The following TTC21B variants were observed in gnomAD, a reference collection of about 807,000 sequenced individuals.
TTC21B encodes tetratricopeptide repeat protein 21B.
Under a neutral mutation model 175.1 loss-of-function variants are expected in TTC21B, and 127 were observed. The observed-to-expected ratio is 0.73, with a 90% CI of 0.63 to 0.84. The LOEUF (loss-of-function observed/expected upper bound fraction) is 0.84. Among genes scored for constraint, TTC21B ranks in the 40% least tolerant of loss-of-function variants. The pLI is 0.00. For synonymous variants in TTC21B, 524 were observed against 524.5 expected, an observed-to-expected ratio of 1.00 and a Z score of 0.01; for missense variants, 1,561 against 1,558.3, an observed-to-expected ratio of 1.00 and a Z score of -0.03.
At chr2:165,946,404 G>A (rs1687566322) in intron 3 of TTC21B, among the ~76,000 whole-genome samples, 1 of 152,052 alleles carries the variant, frequency 6.6e-6, no homozygotes, top group Non-Finnish European at 1.5e-5. Context: ...TAAAACTTAT[G>A]GCTGAAAAGC....
chr2:165,909,364 C>CA (rs1306857807), intron 18 of TTC21B, among the ~76,000 whole-genome samples: 2 of 150,944 alleles, frequency 1.3e-5, no homozygotes, highest in African/African-American at 2.4e-5. Flanking sequence ...ATTCAGAAGC[C>CA]AAAAAAAGAC....
chr2:165,911,288 A>T, intron 18 of TTC21B, 39 bp downstream of exon 18: 1 of 1,611,992 alleles, frequency 6.2e-7, no homozygotes, highest in Non-Finnish European at 8.5e-7. Flanking sequence ...AATGGATCAG[A>T]GTTATCAGAC....
At chr2:165,905,697 C>T (rs1335954226) in intron 19 of TTC21B, among the ~76,000 whole-genome samples, 4 of 152,074 alleles carry the variant, frequency 2.6e-5, no homozygotes, top group Admixed American at 1.3e-4. Context: ...CACAATTACA[C>T]TGAAAGACTT....
chr2:165,914,890 T>C (rs1219736438), intron 15 of TTC21B, among the ~76,000 whole-genome samples: 1 of 152,082 alleles, frequency 6.6e-6, no homozygotes, highest in Admixed American at 6.6e-5. Flanking sequence ...TACATGATGC[T>C]CTTAAGTTAT....
At chr2:165,931,893 C>A (rs779921728) in intron 7 of TTC21B, 37 bp from the exon 8 acceptor site, 3 of 1,416,938 alleles carry the variant, frequency 2.1e-6, no homozygotes, top group Non-Finnish European at 3.0e-6. Context: ...TTAAAATATA[C>A]TAAGTAAAAA....
rs774676050 is a variant in TTC21B, at chr2:165,911,423, T to C, written c.2365A>G (p.Asn789Asp). ...YEAALKTGQK[N>D]YLCYDLAELL... ...TCAGCCAGGTCATAGCAAAGATAAT[T>C]CTTTTGTCCAGTTTTCAGAGCAGCT... is the stretch of plus-strand genomic sequence containing the variant. Residue 789 changes from asparagine (N) to aspartate (D), a missense_variant, in exon 18 of 29, where the codon AAT (asparagine) becomes GAT (aspartate). Transcript: ENST00000243344. 3.1e-6 allele frequency: 5 copies of C among 1,613,848 alleles called. No homozygotes were observed. In the Admixed American group the frequency reaches 8.3e-5, roughly 27 times the overall value.
chr2:165,874,570 A>C lies in TTC21B; in HGVS notation c.*185T>G, dbSNP rs1684605280. On this transcript the variant is annotated 3_prime_UTR_variant, in exon 29 of 29. Transcript: ENST00000243344. ...AGTCAAATAGACCAGCTCTCATTCA[A>C]CTCCATTAGGAAACACCAATTTCAC... 1.7e-6 allele frequency: 1 copy of C among 588,294 alleles called. No homozygotes were observed. Among genetic ancestry groups the C allele is most frequent in the African/African-American group, 1.9e-5 (1 of 53,350 alleles). 36.4% of individuals were successfully genotyped at this position (588,294 alleles called of 1,614,324 possible).
chr2:165,889,922 G>A (rs921106282), intron 24 of TTC21B, among the ~76,000 whole-genome samples: 1 of 152,138 alleles, frequency 6.6e-6, no homozygotes, highest in Non-Finnish European at 1.5e-5. Flanking sequence ...TGAGTCAGAA[G>A]AGAGGACAAG....
chr2:165,932,803 T>A (rs1686960686), intron 7 of TTC21B, among the ~76,000 whole-genome samples, 170 bp downstream of exon 7: 1 of 152,178 alleles, frequency 6.6e-6, no homozygotes, highest in Non-Finnish European at 1.5e-5. Flanking sequence ...TTTCAGAAGC[T>A]GACCTCTTTG....
intron 11 of TTC21B, among the ~76,000 whole-genome samples, chr2:165,926,614 CAA>C (rs1482611427): frequency 1.3e-5 from 2 of 152,074 alleles, no homozygotes; most frequent in Non-Finnish European, 2.9e-5. Context: ...CTGAAGGATG[CAA>C]AGTCTTGATC....
At chr2:165,903,917 C>G (rs891505476) in intron 19 of TTC21B, among the ~76,000 whole-genome samples, 1 of 152,154 alleles carries the variant, frequency 6.6e-6, no homozygotes, top group Non-Finnish European at 1.5e-5. Flanking sequence ...GAATATACAG[C>G]ATGTCATTAG....
At chr2:165,918,859 T>C (rs1411300917) in intron 13 of TTC21B, among the ~76,000 whole-genome samples, 3 of 152,128 alleles carry the variant, frequency 2.0e-5, no homozygotes. Context: ...TCACAATGAA[T>C]CTAAAAAGAA....
At chr2:165,915,540 C>A in intron 14 of TTC21B, 101 bp from the exon 15 acceptor site, 1 of 983,662 alleles carries the variant, frequency 1.0e-6, no homozygotes, top group Non-Finnish European at 1.6e-6. Flanking sequence ...AATGCTAGTA[C>A]ATTTATAATA....
intron 19 of TTC21B, among the ~76,000 whole-genome samples, chr2:165,906,557 T>C (rs1355607108): frequency 6.6e-6 from 1 of 152,056 alleles, no homozygotes; most frequent in Non-Finnish European, 1.5e-5. Context: ...CAAATTGATA[T>C]AAGAAACAAT....
chr2:165,924,515 T>C (rs1187650116), intron 12 of TTC21B, 34 bp downstream of exon 12: 1 of 1,603,042 alleles, frequency 6.2e-7, no homozygotes. Flanking sequence ...AACATCAGAA[T>C]AAAAAGGTTA....
intron 27 of TTC21B, among the ~76,000 whole-genome samples, chr2:165,877,014 T>C (rs1205979081): frequency 2.0e-5 from 3 of 152,228 alleles, no homozygotes; most frequent in African/African-American, 7.2e-5. Context: ...AATGCCACAC[T>C]TCTACTATCA....
intron 22 of TTC21B, among the ~76,000 whole-genome samples, chr2:165,891,574 A>ATTC (rs1685194989): frequency 6.7e-6 from 1 of 149,304 alleles, no homozygotes; most frequent in Non-Finnish European, 1.5e-5. Context: ...TTCTAAAAAA[A>ATTC]ATTCATTCAT....
intron 19 of TTC21B, among the ~76,000 whole-genome samples, chr2:165,904,929 C>T (rs1020081806): frequency 6.6e-6 from 1 of 152,102 alleles, no homozygotes; most frequent in Non-Finnish European, 1.5e-5. Flanking sequence ...CTCCAGGGAA[C>T]TTGGGAAGTA....
chr2:165,876,124 G>T, intron 28 of TTC21B, 41 bp downstream of exon 28: 1 of 1,166,816 alleles, frequency 8.6e-7, no homozygotes, highest in Non-Finnish European at 1.3e-6. Context: ...AGGAAATTGT[G>T]CATCTGAAAA....
Sources: allele counts gnomAD v4.1 joint callset (sites outside exome capture counted in the v4.1 genomes callset), GRCh38; gene constraint gnomAD v4.1.1; transcripts MANE v1.5; gene names NCBI Gene and HGNC (gene_info 2026-07-23, HGNC 2026-07-21).